The following CHSY1 variants were observed in gnomAD, a reference collection of about 807,000 sequenced individuals.
CHSY1 encodes chondroitin sulfate synthase 1.
CHSY1 carries 13 observed loss-of-function variants against 59.8 expected under a neutral mutation model. That is an observed-to-expected ratio of 0.22 (90% CI 0.14 to 0.35). The LOEUF (loss-of-function observed/expected upper bound fraction) is 0.35, where lower values mean the gene tolerates loss of function less well. Ranked by LOEUF, CHSY1 falls within the 10% of genes least tolerant of loss-of-function variation. The pLI, the probability that CHSY1 is intolerant of heterozygous loss-of-function variation, is 1.00. For missense variants in CHSY1, 947 were observed against 1,030.6 expected (o/e 0.92, Z 1.11); for synonymous variants, 459 against 401.2 (o/e 1.14, Z -1.72).
rs114923077 is a variant in CHSY1 at position 101,234,594 on chromosome 15, C to A, written c.816+488G>T. Among the ~76,000 whole-genome samples the A allele has an allele frequency of 4.1e-3, 632 of 152,332 alleles. 4 individuals carry two copies. Among genetic ancestry groups the A allele is most frequent in the African/African-American group, 0.014 (567 of 41,580 alleles). Reference sequence around the variant, plus strand: ...AGGACAAAAGTATGGAAGAGCCGGGCGCCGTGGCTCACGCCTGTAATCCCA... The same window carrying A: ...AGGACAAAAGTATGGAAGAGCCGGGAGCCGTGGCTCACGCCTGTAATCCCA... On this transcript the variant is annotated intron_variant, in intron 2 of 2. Transcript: ENST00000254190.
intron 2 of CHSY1, among the ~76,000 whole-genome samples, chr15:101,198,645 T>C (rs2038534774): frequency 6.6e-6 from 1 of 152,290 alleles, no homozygotes; most frequent in South Asian, 2.1e-4. Flanking sequence ...TTTCAAAAAC[T>C]GGATAACTTG....
At chr15:101,236,443 G>A (rs751542077) in intron 1 of CHSY1, among the ~76,000 whole-genome samples, 6 of 152,084 alleles carry the variant, frequency 3.9e-5, no homozygotes, top group Non-Finnish European at 7.4e-5. Context: ...ATTCTCTCTT[G>A]TCTGCCACCA....
chr15:101,248,082 G>C (rs775950957), intron 1 of CHSY1, among the ~76,000 whole-genome samples: 5 of 152,098 alleles, frequency 3.3e-5, no homozygotes, highest in Non-Finnish European at 7.4e-5. Flanking sequence ...TTTTCGATAA[G>C]ATGAAGAATG....
rs563654306 is a variant in CHSY1, at chr15:101,183,646, C to T, written c.817-4666G>A. On this transcript the variant is annotated intron_variant, in intron 2 of 2. Coordinates refer to ENST00000254190, the MANE Select transcript of CHSY1 (RefSeq NM_014918.5). Reference sequence around the variant, plus strand: ...AGATGACAGGATCCAGGAAACAAGACGCATGGGCCAGAATGACCATGCAAG... The same window carrying T: ...AGATGACAGGATCCAGGAAACAAGATGCATGGGCCAGAATGACCATGCAAG... Among the ~76,000 whole-genome samples the T allele has an allele frequency of 4.6e-5, 7 of 152,308 alleles. No individual in the cohort carries two copies. The South Asian group carries it at 6.2e-4, about 14-fold the overall frequency.
At chr15:101,184,383 A>T (rs916385838) in intron 2 of CHSY1, among the ~76,000 whole-genome samples, 72 of 144,966 alleles carry the variant, frequency 5.0e-4, no homozygotes, top group African/African-American at 1.6e-3. Flanking sequence ...TATATATATA[A>T]TTTTTTTTTT....
chr15:101,236,036 G>A (rs1462303629), intron 1 of CHSY1, among the ~76,000 whole-genome samples: 1 of 152,182 alleles, frequency 6.6e-6, no homozygotes, highest in African/African-American at 2.4e-5. Flanking sequence ...CCAACTCACA[G>A]AGAGGACATC....
At chr15:101,210,024 T>TA (rs1420200947) in intron 2 of CHSY1, among the ~76,000 whole-genome samples, 9 of 152,250 alleles carry the variant, frequency 5.9e-5, no homozygotes, top group African/African-American at 2.2e-4. Context: ...CTTCAACTCT[T>TA]AGTCCGTTAT....
rs549263496 is a variant in CHSY1 at position 101,200,462 on chromosome 15, G to A, written c.817-21482C>T. Among the ~76,000 whole-genome samples the A allele has an allele frequency of 2.6e-4, 40 of 152,290 alleles. No individual in the cohort carries two copies. In the South Asian group the frequency reaches 4.8e-3, roughly 18 times the overall value. Reference sequence around the variant, plus strand: ...CTCCTGCCTGGTTTGGACCAGAAAAGTCACAAAAGTCTTTTCTGGGGTTAC... The same window carrying A: ...CTCCTGCCTGGTTTGGACCAGAAAAATCACAAAAGTCTTTTCTGGGGTTAC... On this transcript the variant is annotated intron_variant, in intron 2 of 2. Coordinates refer to ENST00000254190, the MANE Select transcript of CHSY1 (RefSeq NM_014918.5).
At chr15:101,242,096 G>A (rs1196051804) in intron 1 of CHSY1, among the ~76,000 whole-genome samples, 1 of 152,022 alleles carries the variant, frequency 6.6e-6, no homozygotes, top group Non-Finnish European at 1.5e-5. Context: ...TCCATGGATG[G>A]TGGAATCCAC....
intron 2 of CHSY1, among the ~76,000 whole-genome samples, chr15:101,216,567 C>G (rs915876457): frequency 3.9e-5 from 6 of 152,164 alleles, no homozygotes; most frequent in Non-Finnish European, 5.9e-5. Context: ...AGCCATCAAG[C>G]CACACAGAGG....
intron 2 of CHSY1, among the ~76,000 whole-genome samples, chr15:101,193,492 A>G (rs532583421): frequency 2.9e-5 from 3 of 102,558 alleles, no homozygotes; most frequent in East Asian, 4.5e-4. Context: ...GCACGGAGCA[A>G]GCATAAACGG....
rs149214465 is a variant in CHSY1, at chr15:101,203,772, T to G, written c.817-24792A>C. ...GGGGAAACATCAGATAAACCCAGAC[T>G]GAAGGACAAATAACTACAAAATAAC... On this transcript the variant is annotated intron_variant, in intron 2 of 2. Transcript: ENST00000254190. 1.1e-4 allele frequency among the ~76,000 whole-genome samples: 17 copies of G among 152,282 alleles called. 1 individual carries two copies. In the East Asian group the frequency reaches 3.3e-3, roughly 29 times the overall value.
intron 2 of CHSY1, among the ~76,000 whole-genome samples, chr15:101,229,686 C>G (rs1718537618): frequency 6.6e-6 from 1 of 152,096 alleles, no homozygotes; most frequent in Admixed American, 6.6e-5. Context: ...GCAGGCAGAT[C>G]ACTTGAGGCC....
At chr15:101,196,221 A>G (rs2038505494) in intron 2 of CHSY1, among the ~76,000 whole-genome samples, 1 of 148,812 alleles carries the variant, frequency 6.7e-6, no homozygotes, top group Admixed American at 6.7e-5. Flanking sequence ...CAGAGCGAGA[A>G]GCAGTCTCAA....
intron 2 of CHSY1, among the ~76,000 whole-genome samples, chr15:101,215,744 G>T (rs2038726152): frequency 6.6e-6 from 1 of 152,138 alleles, no homozygotes; most frequent in Non-Finnish European, 1.5e-5. Flanking sequence ...CAAATCATCA[G>T]ATACGAATTC....
At chr15:101,206,790 T>G (rs1241363743) in intron 2 of CHSY1, among the ~76,000 whole-genome samples, 1 of 152,214 alleles carries the variant, frequency 6.6e-6, no homozygotes, top group African/African-American at 2.4e-5. Flanking sequence ...CCCAGGGTTT[T>G]GGGGCACAGC....
chr15:101,193,208 G>A (rs535853457), intron 2 of CHSY1, among the ~76,000 whole-genome samples: 49 of 152,332 alleles, frequency 3.2e-4, no homozygotes, highest in African/African-American at 1.1e-3. Flanking sequence ...ATGCCTGTCC[G>A]GCAAGCAGGC....
At chr15:101,213,226 C>T (rs1341079312) in intron 2 of CHSY1, among the ~76,000 whole-genome samples, 1 of 152,142 alleles carries the variant, frequency 6.6e-6, no homozygotes, top group East Asian at 1.9e-4. Flanking sequence ...GTAGGAAACA[C>T]ACACACTTGA....
chr15:101,235,472 G>A lies in CHSY1; in HGVS notation c.426C>T (p.Ser142=). 1 of 1,614,164 alleles carries A rather than the reference G, an allele frequency of 6.2e-7. No homozygotes were observed. The highest frequency in any genetic ancestry group is 1.1e-5 in the South Asian group (1 of 91,088). The change falls in exon 2 of 3, where the codon TCC becomes TCT. Residue 142 remains serine, a synonymous_variant. Transcript: ENST00000254190. Reference sequence around the variant, plus strand: ...TGAAGGACTTCTTCTGGGGCGGGTAGGAGTCGTCCACACCCCGTAGTGGCA... The same window carrying A: ...TGAAGGACTTCTTCTGGGGCGGGTAAGAGTCGTCCACACCCCGTAGTGGCA... ...PVVPLRGVDD[S]YPPQKKSFMM... is the part of the protein sequence containing the mutation.
Sources: allele counts gnomAD v4.1 joint callset (sites outside exome capture counted in the v4.1 genomes callset), GRCh38; gene constraint gnomAD v4.1.1; transcripts MANE v1.5; gene names NCBI Gene and HGNC (gene_info 2026-07-23, HGNC 2026-07-21).